Variants in FIRRM observed in about 807,000 individuals in gnomAD.
The protein encoded by FIRRM is FIGNL1-interacting regulator of recombination and mitosis.
the FIRRM span, chr1:169,826,081 TTC>T: frequency 6.0e-6 from 2 of 334,744 alleles, no homozygotes; most frequent in African/African-American, 2.1e-5. Flanking sequence ...AACTTTTTTT[TTC>T]TTTTTTGAGA....
the FIRRM span, chr1:169,853,137 G>A: frequency 1.3e-6 from 1 of 766,624 alleles, no homozygotes; most frequent in East Asian, 2.7e-5. Flanking sequence ...GGATTGTGGG[G>A]AATATTCTTA....
chr1:169,827,202 A>G, the FIRRM span: 4 of 1,609,776 alleles, frequency 2.5e-6, no homozygotes, highest in Non-Finnish European at 3.4e-6. Flanking sequence ...TAAATTAGGT[A>G]AGCTTCAAAA....
the FIRRM span, chr1:169,803,279 T>C: frequency 6.2e-7 from 1 of 1,613,900 alleles, no homozygotes; most frequent in East Asian, 2.2e-5. Flanking sequence ...CAGTCCTTCA[T>C]ATAATTAAAA....
At chr1:169,792,746 C>T in the FIRRM span, 3 of 1,613,836 alleles carry the variant, frequency 1.9e-6, no homozygotes, top group Non-Finnish European at 2.5e-6. Context: ...AAGTACACGT[C>T]CATTTTTACT....
At chr1:169,819,329 G>A in the FIRRM span, among the ~76,000 whole-genome samples, 1 of 152,208 alleles carries the variant, frequency 6.6e-6, no homozygotes, top group African/African-American at 2.4e-5. Context: ...GTGGCCAAGA[G>A]CATGCTTCTG....
At chr1:169,842,094 C>T in the FIRRM span, among the ~76,000 whole-genome samples, 10 of 150,758 alleles carry the variant, frequency 6.6e-5, no homozygotes, top group East Asian at 2.0e-3. Flanking sequence ...GAGAATCGCT[C>T]GAACCTGGGA....
the FIRRM span, among the ~76,000 whole-genome samples, chr1:169,811,717 CAGATTATCT>C: frequency 1.4e-5 from 2 of 144,230 alleles, no homozygotes; most frequent in African/African-American, 5.4e-5. Context: ...AGATAATAGA[CAGATTATCT>C]AAATAGATAA....
chr1:169,854,073 TAAAC>T, the FIRRM span: 3 of 587,306 alleles, frequency 5.1e-6, no homozygotes, highest in South Asian at 4.8e-5. Context: ...AATAGCTCAT[TAAAC>T]AAACTAAGCA....
At chr1:169,834,225 G>C in the FIRRM span, among the ~76,000 whole-genome samples, 1 of 152,038 alleles carries the variant, frequency 6.6e-6, no homozygotes, top group African/African-American at 2.4e-5. Context: ...TAAATTATAG[G>C]TAAATGAGGG....
the FIRRM span, chr1:169,823,429 G>C: frequency 1.2e-6 from 2 of 1,603,664 alleles, no homozygotes; most frequent in Non-Finnish European, 1.7e-6. Flanking sequence ...TTTCCTCTCT[G>C]ATTCTTGCTG....
chr1:169,812,723 G>A, the FIRRM span, among the ~76,000 whole-genome samples: 14 of 151,938 alleles, frequency 9.2e-5, no homozygotes, highest in African/African-American at 3.4e-4. Flanking sequence ...CAGGAGTGAT[G>A]GTGCGCACCT....
the FIRRM span, chr1:169,852,537 T>G: frequency 8.1e-6 from 4 of 492,712 alleles, no homozygotes; most frequent in Non-Finnish European, 1.1e-5. Context: ...TTGGGAGCCC[T>G]TTGGGACAGG....
chr1:169,845,360 A>G, the FIRRM span, among the ~76,000 whole-genome samples: 459 of 152,338 alleles, frequency 3.0e-3, 5 homozygotes, highest in Middle Eastern at 3.4e-3. Flanking sequence ...CTGCTAACCC[A>G]TCAGGATGGT....
At chr1:169,791,851 G>C in the FIRRM span, among the ~76,000 whole-genome samples, 2 of 152,158 alleles carry the variant, frequency 1.3e-5, no homozygotes, top group African/African-American at 4.8e-5. Context: ...GTGGTAACGT[G>C]AAAATTTTTG....
chr1:169,836,108 A>G, the FIRRM span, among the ~76,000 whole-genome samples: 1 of 146,918 alleles, frequency 6.8e-6, no homozygotes, highest in Non-Finnish European at 1.5e-5. Flanking sequence ...AAAAGTTTTC[A>G]TCAAGTAGAT....
the FIRRM span, chr1:169,795,047 G>A: frequency 3.5e-6 from 5 of 1,409,152 alleles, no homozygotes; most frequent in Non-Finnish European, 4.8e-6. Context: ...GGGACTGCGA[G>A]TTTCCGGTCT....
At chr1:169,807,177 C>T in the FIRRM span, among the ~76,000 whole-genome samples, 3 of 152,200 alleles carry the variant, frequency 2.0e-5, no homozygotes, top group African/African-American at 7.2e-5. Flanking sequence ...CTCAAACATA[C>T]CAAACTCTCC....
the FIRRM span, among the ~76,000 whole-genome samples, chr1:169,846,650 T>G: frequency 6.6e-6 from 1 of 152,194 alleles, no homozygotes; most frequent in Admixed American, 6.5e-5. Flanking sequence ...CATCAAACAT[T>G]TCTTCTGCAG....
At chr1:169,821,404 A>G in the FIRRM span, among the ~76,000 whole-genome samples, 46 of 152,200 alleles carry the variant, frequency 3.0e-4, no homozygotes, top group African/African-American at 1.1e-3. Flanking sequence ...TTTCAGATCA[A>G]CTGAGAAGGA....
Sources: gnomAD v4.1 joint callset for allele counts (sites outside exome capture counted in the v4.1 genomes callset) on GRCh38, gnomAD v4.1.1 for gene constraint, MANE v1.5 for transcripts, NCBI Gene and HGNC (gene_info 2026-07-23, HGNC 2026-07-21) for gene names.